The following OPCML variants were observed in gnomAD, a reference collection of about 807,000 sequenced individuals.
OPCML encodes the protein opioid-binding protein/cell adhesion molecule.
OPCML carries 13 observed loss-of-function variants against 37.8 expected under a neutral mutation model. That is an observed-to-expected ratio of 0.34 (90% CI 0.22 to 0.55). The LOEUF is 0.55. OPCML is among the 20% of genes least tolerant of loss of function. The pLI is 0.91. For synonymous variants in OPCML, 176 were observed against 168.8 expected (o/e 1.04, Z -0.33); for missense variants, 341 against 435.6 (o/e 0.78, Z 1.93).
At chr11:133,492,294 A>T (rs1591560325) in intron 1 of OPCML, among the ~76,000 whole-genome samples, 1 of 152,262 alleles carries the variant, frequency 6.6e-6, no homozygotes, top group South Asian at 2.1e-4. Flanking sequence ...TTTCACAAAC[A>T]TGTGTTTCCT....
Position 133,435,131 on chromosome 11 carries a change from G to C in OPCML, c.61+97133C>G, listed in dbSNP as rs369433019. Reference sequence around the variant, plus strand: ...GTTCTGTATTTATAGAATCATTAAGGGTCCAAAGGGGTCACTTATATTTTT... The same window carrying C: ...GTTCTGTATTTATAGAATCATTAAGCGTCCAAAGGGGTCACTTATATTTTT... On this transcript the variant is annotated intron_variant, in intron 1 of 7. Coordinates refer to ENST00000524381, the MANE Select transcript of OPCML (RefSeq NM_001012393.5). Among the ~76,000 whole-genome samples, 93 of 151,860 alleles carry C rather than the reference G, an allele frequency of 6.1e-4. No homozygotes were observed. In the South Asian group the frequency reaches 0.019, roughly 32 times the overall value.
chr11:132,663,003 T>A (rs1942050326), intron 2 of OPCML, among the ~76,000 whole-genome samples: 2 of 152,242 alleles, frequency 1.3e-5, no homozygotes, highest in South Asian at 4.1e-4. Flanking sequence ...ACGGTAATAA[T>A]ACCTAAAACA....
chr11:133,262,811 C>A (rs987870910), intron 1 of OPCML, among the ~76,000 whole-genome samples: 1 of 151,798 alleles, frequency 6.6e-6, no homozygotes, highest in African/African-American at 2.4e-5. Flanking sequence ...CCAGGAAGAG[C>A]GTGCAGGCTT....
chr11:133,020,302 C>T (rs746844670), intron 1 of OPCML, among the ~76,000 whole-genome samples: 2 of 152,222 alleles, frequency 1.3e-5, no homozygotes, highest in Non-Finnish European at 2.9e-5. Context: ...TGCAAGCCCG[C>T]CTCAGCTGGA....
chr11:132,833,838 G>A (rs1247045937), intron 2 of OPCML, among the ~76,000 whole-genome samples: 1 of 152,190 alleles, frequency 6.6e-6, no homozygotes, highest in African/African-American at 2.4e-5. Context: ...TGTATTTAAA[G>A]GCAAGGTAAT....
chr11:133,378,221 C>T (rs1230334546), intron 1 of OPCML, among the ~76,000 whole-genome samples: 4 of 152,114 alleles, frequency 2.6e-5, no homozygotes, highest in African/African-American at 9.7e-5. Flanking sequence ...CCTAGGGCGT[C>T]TTCATTCAAT....
intron 2 of OPCML, among the ~76,000 whole-genome samples, chr11:132,707,218 G>A (rs961219370): frequency 6.6e-6 from 1 of 152,170 alleles, no homozygotes; most frequent in Non-Finnish European, 1.5e-5. Flanking sequence ...AGAGAAGTTA[G>A]GCAGAGCAAT....
chr11:132,547,854 C>T (rs189073602), intron 3 of OPCML, among the ~76,000 whole-genome samples: 9 of 152,212 alleles, frequency 5.9e-5, no homozygotes, highest in African/African-American at 1.7e-4. Flanking sequence ...TGTCAAGCAG[C>T]GTGCATTGGT....
chr11:133,028,377 T>C (rs1240390581), intron 1 of OPCML, among the ~76,000 whole-genome samples: 1 of 152,186 alleles, frequency 6.6e-6, no homozygotes, highest in East Asian at 1.9e-4. Context: ...GAGCTTACTC[T>C]TGCCTCATCT....
intron 1 of OPCML, among the ~76,000 whole-genome samples, chr11:133,141,894 C>G (rs1949829092): frequency 6.6e-6 from 1 of 152,202 alleles, no homozygotes; most frequent in South Asian, 2.1e-4. Context: ...CACGCTCTGT[C>G]TCATCCATCT....
intron 4 of OPCML, among the ~76,000 whole-genome samples, chr11:132,440,259 T>G (rs2096028003): frequency 6.6e-6 from 1 of 152,080 alleles, no homozygotes; most frequent in Admixed American, 6.5e-5. Context: ...ACTACCTCAT[T>G]AAGTGAGAAA....
At chr11:132,490,459 A>G (rs1242004032) in intron 4 of OPCML, among the ~76,000 whole-genome samples, 1 of 151,740 alleles carries the variant, frequency 6.6e-6, no homozygotes, top group Non-Finnish European at 1.5e-5. Flanking sequence ...GGCTGCACTC[A>G]CTTCTTGCTG....
rs541620811 is a variant in OPCML, at chr11:133,519,609, A to T, written c.61+12655T>A. ...TAATGCATCTTCCTTGATTTCTCCC[A>T]TCTCCCCTATCTTCCTGAACTCTCT... On this transcript the variant is annotated intron_variant, in intron 1 of 7. Coordinates refer to ENST00000524381, the MANE Select transcript of OPCML (RefSeq NM_001012393.5). Among the ~76,000 whole-genome samples, 3 of 152,310 alleles carry T rather than the reference A, an allele frequency of 2.0e-5. No individual in the cohort carries two copies. The South Asian group carries it at 6.2e-4, about 32-fold the overall frequency.
At chr11:132,607,183 T>G (rs559102232) in intron 3 of OPCML, among the ~76,000 whole-genome samples, 1 of 152,318 alleles carries the variant, frequency 6.6e-6, no homozygotes, top group South Asian at 2.1e-4. Flanking sequence ...TTTCTGTTGT[T>G]GTTGTTGCTG....
intron 2 of OPCML, among the ~76,000 whole-genome samples, chr11:132,881,066 G>C (rs1943206363): frequency 6.6e-6 from 1 of 152,234 alleles, no homozygotes; most frequent in South Asian, 2.1e-4. Flanking sequence ...AAGGGTCTCA[G>C]ACAAGTTGCC....
At position 133,391,775 on chromosome 11, in the gene OPCML, C is replaced by G. The variant is rs1015432981; in HGVS notation, c.61+140489G>C. Among the ~76,000 whole-genome samples the G allele has an allele frequency of 4.6e-5, 7 of 152,150 alleles. No homozygotes were observed. In the East Asian group the frequency reaches 5.8e-4, roughly 13 times the overall value. On this transcript the variant is annotated intron_variant, in intron 1 of 7. Coordinates refer to ENST00000524381, the MANE Select transcript of OPCML (RefSeq NM_001012393.5). ...TATCAATGCTTATCACGTGTCAGAC[C>G]TAGCGCTAAAGCTCCGTTAAGTGCA...
At chr11:133,076,417 A>G (rs1314604413) in intron 1 of OPCML, among the ~76,000 whole-genome samples, 2 of 152,136 alleles carry the variant, frequency 1.3e-5, no homozygotes, top group Non-Finnish European at 2.9e-5. Flanking sequence ...CAGACCACCC[A>G]CTTCCACCTG....
At position 132,539,510 on chromosome 11, in the gene OPCML, A is replaced by ATGC. The variant is rs375680037; in HGVS notation, c.380-10327_380-10325dup. On this transcript the variant is annotated intron_variant, in intron 3 of 7. Transcript: ENST00000524381. ...GCTATACATTAAAATGTTTAAAGAC[A>ATGC]TGCTGCTGCTGCTGCTGCTGCTGAT... 2.4e-3 allele frequency among the ~76,000 whole-genome samples: 364 copies of ATGC among 152,204 alleles called. 3 individuals are homozygous for ATGC. The highest frequency in any genetic ancestry group is 7.8e-3 in the African/African-American group (324 of 41,506).
intron 1 of OPCML, among the ~76,000 whole-genome samples, chr11:132,975,055 C>T (rs1225797105): frequency 6.6e-6 from 1 of 151,806 alleles, no homozygotes; most frequent in Non-Finnish European, 1.5e-5. Flanking sequence ...TTTTCTGGAA[C>T]TCATTCATTC....
Sources: allele counts gnomAD v4.1 joint callset (sites outside exome capture counted in the v4.1 genomes callset), GRCh38; gene constraint gnomAD v4.1.1; transcripts MANE v1.5; gene names NCBI Gene and HGNC (gene_info 2026-07-23, HGNC 2026-07-21).